The following RABGAP1L variants were observed in gnomAD, a reference collection of about 807,000 sequenced individuals.
The protein encoded by RABGAP1L is rab GTPase-activating protein 1-like.
A neutral mutation model predicts 137.7 loss-of-function variants in RABGAP1L; 63 were observed. That is an observed-to-expected ratio of 0.46 (90% CI 0.37 to 0.56). The LOEUF (loss-of-function observed/expected upper bound fraction) is 0.56. RABGAP1L is among the 20% of genes least tolerant of loss of function. The pLI is 0.00. For synonymous variants in RABGAP1L, 431 were observed against 433.7 expected, an observed-to-expected ratio of 0.99 and a Z score of 0.08; for missense variants, 1,095 against 1,244.0, an observed-to-expected ratio of 0.88 and a Z score of 1.80.
intron 1 of RABGAP1L, among the ~76,000 whole-genome samples, chr1:174,168,448 A>G (rs774505224): frequency 2.0e-5 from 3 of 151,904 alleles, no homozygotes; most frequent in Non-Finnish European, 4.4e-5. Flanking sequence ...TCATTCATTT[A>G]TTATTGCTTT....
intron 13 of RABGAP1L, among the ~76,000 whole-genome samples, chr1:174,606,872 CAGCT>C (rs1479512801): frequency 6.6e-6 from 1 of 152,154 alleles, no homozygotes; most frequent in Middle Eastern, 3.2e-3. Flanking sequence ...AAATGTAACA[CAGCT>C]AGCGTCTGAA....
intron 10 of RABGAP1L, among the ~76,000 whole-genome samples, chr1:174,302,553 C>T (rs1227987476): frequency 2.0e-5 from 3 of 152,158 alleles, no homozygotes; most frequent in Non-Finnish European, 4.4e-5. Context: ...TTTCCACATG[C>T]CAACTTCCTG....
intron 13 of RABGAP1L, among the ~76,000 whole-genome samples, chr1:174,498,088 T>C (rs1355766985): frequency 2.0e-5 from 3 of 152,218 alleles, no homozygotes; most frequent in Non-Finnish European, 2.9e-5. Flanking sequence ...CAAATTATGC[T>C]TGGAAAAGAT....
At chr1:174,927,589 G>A (rs1663057190) in intron 19 of RABGAP1L, among the ~76,000 whole-genome samples, 1 of 152,170 alleles carries the variant, frequency 6.6e-6, no homozygotes, top group East Asian at 1.9e-4. Flanking sequence ...TGATCAGACT[G>A]GAGTGCAATG....
At chr1:174,505,937 T>C (rs930389748) in intron 13 of RABGAP1L, among the ~76,000 whole-genome samples, 4 of 152,174 alleles carry the variant, frequency 2.6e-5, no homozygotes, top group African/African-American at 9.7e-5. Flanking sequence ...AAAATGTGAA[T>C]ACATAATGGA....
At chr1:174,597,369 T>C (rs1670033051) in intron 13 of RABGAP1L, among the ~76,000 whole-genome samples, 1 of 152,182 alleles carries the variant, frequency 6.6e-6, no homozygotes, top group African/African-American at 2.4e-5. Context: ...TAGGAGACTT[T>C]TTATTACATC....
chr1:174,521,995 C>G (rs1473498657), intron 13 of RABGAP1L, among the ~76,000 whole-genome samples: 1 of 152,086 alleles, frequency 6.6e-6, no homozygotes, highest in Non-Finnish European at 1.5e-5. Context: ...AGGAGAATCC[C>G]TTGAACCCAG....
At chr1:174,502,668 G>GTA (rs1163014715) in intron 13 of RABGAP1L, among the ~76,000 whole-genome samples, 177 of 145,676 alleles carry the variant, frequency 1.2e-3, no homozygotes, top group African/African-American at 4.2e-3. Context: ...ATGTGTGTGT[G>GTA]TATATATACA....
intron 19 of RABGAP1L, among the ~76,000 whole-genome samples, chr1:174,932,044 T>TG (rs978711743): frequency 2.1e-5 from 3 of 145,942 alleles, no homozygotes; most frequent in Non-Finnish European, 4.5e-5. Flanking sequence ...GAGCTATACT[T>TG]GCTCAAAACA....
At chr1:174,920,939 T>C (rs917235448) in intron 19 of RABGAP1L, among the ~76,000 whole-genome samples, 1 of 152,160 alleles carries the variant, frequency 6.6e-6, no homozygotes, top group Non-Finnish European at 1.5e-5. Flanking sequence ...TTGTTGTTGT[T>C]TGAGACGGAG....
At chr1:174,873,220 C>T (rs577078814) in intron 19 of RABGAP1L, among the ~76,000 whole-genome samples, 1 of 152,098 alleles carries the variant, frequency 6.6e-6, no homozygotes, top group African/African-American at 2.4e-5. Flanking sequence ...AGGCACACAC[C>T]ACCATGCCCG....
At chr1:174,784,283 T>C (rs756817856) in intron 18 of RABGAP1L, among the ~76,000 whole-genome samples, 4 of 152,090 alleles carry the variant, frequency 2.6e-5, no homozygotes, top group Non-Finnish European at 5.9e-5. Flanking sequence ...CTCCCGAAAG[T>C]GCTGGGATTA....
intron 11 of RABGAP1L, among the ~76,000 whole-genome samples, chr1:174,322,388 T>C (rs759271696): frequency 6.6e-6 from 1 of 152,162 alleles, no homozygotes; most frequent in Non-Finnish European, 1.5e-5. Context: ...AAGAATCAGA[T>C]ACTGTCTGGG....
chr1:174,331,160 T>C (rs573576096), intron 11 of RABGAP1L, among the ~76,000 whole-genome samples: 15 of 151,930 alleles, frequency 9.9e-5, no homozygotes, highest in African/African-American at 3.1e-4. Flanking sequence ...ACTAGGCCCC[T>C]CTCTCTCTCT....
intron 13 of RABGAP1L, among the ~76,000 whole-genome samples, chr1:174,405,275 A>T (rs1571645567): frequency 6.6e-6 from 1 of 152,172 alleles, no homozygotes; most frequent in East Asian, 1.9e-4. Flanking sequence ...TAGCCAAGTA[A>T]ATATTTGCTT....
In RABGAP1L at chr1:174,301,912, C is replaced by T. The variant is rs544509512; in HGVS notation, c.1324-3074C>T. ...CAAATGGGAAGACAGATTCTCAGTC[C>T]GGTTGGTGGATTTGACTTGTAACTT... On this transcript the variant is annotated intron_variant, in intron 10 of 25. Coordinates refer to ENST00000681986, the MANE Select transcript of RABGAP1L (RefSeq NM_001366446.1). Among the ~76,000 whole-genome samples, 21 of 152,222 alleles carry T rather than the reference C, an allele frequency of 1.4e-4. 1 individual carries two copies. In the South Asian group the frequency reaches 2.9e-3, roughly 21 times the overall value.
intron 15 of RABGAP1L, among the ~76,000 whole-genome samples, chr1:174,689,688 A>G (rs909681275): frequency 2.0e-5 from 3 of 152,142 alleles, no homozygotes; most frequent in African/African-American, 7.2e-5. Flanking sequence ...TTAAAGTGAC[A>G]CACAACAACA....
intron 19 of RABGAP1L, among the ~76,000 whole-genome samples, chr1:174,946,917 A>T (rs11384423): frequency 0.17 from 9,873 of 59,264 alleles, 1,018 homozygotes; most frequent in Middle Eastern, 0.29. Context: ...AAAAAAAAAA[A>T]ATATATATAT....
chr1:174,907,525 G>A lies in RABGAP1L; in HGVS notation c.2341-49932G>A, dbSNP rs969294756. 5.9e-5 allele frequency among the ~76,000 whole-genome samples: 9 copies of A among 151,952 alleles called. No homozygotes were observed. The East Asian group carries it at 1.7e-3, about 29-fold the overall frequency. On this transcript the variant is annotated intron_variant, in intron 19 of 25. Transcript: ENST00000681986. ...AGACATGGTTTTGCCATGTTGCCCA[G>A]GCTGGTCACAAACTCCTGGACTCAA...
Sources: allele counts gnomAD v4.1 joint callset (sites outside exome capture counted in the v4.1 genomes callset), GRCh38; gene constraint gnomAD v4.1.1; transcripts MANE v1.5; gene names NCBI Gene and HGNC (gene_info 2026-07-23, HGNC 2026-07-21).